CFHR2: variants seen among roughly 807,000 people sequenced by gnomAD.
CFHR2 encodes complement factor H related 2.
A neutral mutation model predicts 21.7 loss-of-function variants in CFHR2; 22 were observed. That is an observed-to-expected ratio of 1.01 (90% confidence interval 0.72 to 1.45). CFHR2 has a LOEUF of 1.45. CFHR2 is among the 40% of genes most tolerant of loss of function. The probability of loss-of-function intolerance (pLI) is 0.00; values close to 1 mark genes in which losing one functional copy is unlikely to be tolerated. For missense variants in CFHR2, 294 were observed against 293.3 expected (o/e 1.00, Z -0.02); for synonymous variants, 98 against 97.4 (o/e 1.01, Z -0.04).
chr1:196,959,298 T>C lies in CFHR2; in HGVS notation c.*218T>C. The stretch of plus-strand genomic sequence containing the variant: ...TAACAACCTAGGAATTGTCTTTTTT[T>C]TTCTTTTTAAAAAAATTGACAATAA... On this transcript the variant is annotated 3_prime_UTR_variant, in exon 5 of 5. Coordinates refer to ENST00000367415, the MANE Select transcript of CFHR2 (RefSeq NM_005666.4). 1 of 450,768 alleles carries C rather than the reference T, an allele frequency of 2.2e-6. No homozygotes were observed. Among genetic ancestry groups the C allele is most frequent in the South Asian group, 3.3e-5 (1 of 30,568 alleles). The allele number at this position is 450,768 out of a possible 1,614,324, so 27.9% of individuals were successfully genotyped here. A position where few individuals can be genotyped will look rare whatever the true frequency, so the allele number is the denominator to read the frequency against.
intron 4 of CFHR2, among the ~76,000 whole-genome samples, chr1:196,958,498 C>G (rs1278199245): frequency 6.6e-6 from 1 of 151,704 alleles, no homozygotes; most frequent in Non-Finnish European, 1.5e-5. Context: ...ATATTATTAG[C>G]TATTAATGTC....
At position 196,951,983 on chromosome 1, in the gene CFHR2, A is replaced by G. The variant is rs550072530; in HGVS notation, c.430+955A>G. Among the ~76,000 whole-genome samples, 10 of 152,214 alleles carry G rather than the reference A, an allele frequency of 6.6e-5. No individual in the cohort carries two copies. The South Asian group carries it at 2.1e-3, about 32-fold the overall frequency. On this transcript the variant is annotated intron_variant, in intron 3 of 4. Transcript: ENST00000367415. ...AGTGTTCTTGAAATATATTTTGTAC[A>G]GTTTTCTAATTTTTTTCCAGTGGGA...
At chr1:196,947,798 A>C (rs1414409541) in intron 1 of CFHR2, among the ~76,000 whole-genome samples, 1 of 152,190 alleles carries the variant, frequency 6.6e-6, no homozygotes, top group African/African-American at 2.4e-5. Flanking sequence ...ACTCAAAGAT[A>C]AAGTATATCA....
chr1:196,951,082 A>G, intron 3 of CFHR2, 54 bp downstream of exon 3: 2 of 1,587,282 alleles, frequency 1.3e-6, no homozygotes, highest in South Asian at 1.1e-5. Context: ...TGTAAAAGAA[A>G]TAAATCTTTT....
intron 1 of CFHR2, among the ~76,000 whole-genome samples, chr1:196,946,080 A>G (rs1659472946): frequency 6.6e-6 from 1 of 152,128 alleles, no homozygotes; most frequent in Non-Finnish European, 1.5e-5. Context: ...AGTATAAAAT[A>G]TTAAAAACGG....
At chr1:196,949,885 T>A (rs1011328636) in intron 2 of CFHR2, among the ~76,000 whole-genome samples, 1 of 152,228 alleles carries the variant, frequency 6.6e-6, no homozygotes, top group Non-Finnish European at 1.5e-5. Context: ...TCAATTTTTT[T>A]AAACTGATGA....
chr1:196,958,290 ATATT>A (rs1415734711), intron 4 of CFHR2, among the ~76,000 whole-genome samples: 3 of 151,996 alleles, frequency 2.0e-5, no homozygotes, highest in Admixed American at 2.0e-4. Context: ...AAAAGAATAC[ATATT>A]TATTTTCTAC....
chr1:196,952,680 G>C (rs1652658407), intron 3 of CFHR2, among the ~76,000 whole-genome samples: 1 of 152,148 alleles, frequency 6.6e-6, no homozygotes, highest in South Asian at 2.1e-4. Flanking sequence ...GTTGCTTTGT[G>C]ACACAAAAAA....
chr1:196,955,740 G>T (rs924522254), intron 3 of CFHR2, among the ~76,000 whole-genome samples: 7 of 152,032 alleles, frequency 4.6e-5, no homozygotes, highest in Non-Finnish European at 7.4e-5. Flanking sequence ...TCGGCTATTT[G>T]GGAGGCTGAG....
rs568948709 is a variant in CFHR2, at chr1:196,944,920, A to G, written c.58+982A>G. ...AGATGGACTTTCACTCTTGTTTCCC[A>G]GGCTGGAGTGCAATGGTGTGATTTC... On this transcript the variant is annotated intron_variant, in intron 1 of 4. Coordinates refer to ENST00000367415, the MANE Select transcript of CFHR2 (RefSeq NM_005666.4). Among the ~76,000 whole-genome samples, 211 of 149,254 alleles carry G rather than the reference A, an allele frequency of 1.4e-3. 4 individuals carry two copies. Among genetic ancestry groups the G allele is most frequent in the African/African-American group, 5.0e-3 (203 of 40,380 alleles).
Position 196,959,166 on chromosome 1 carries a change from G to T in CFHR2, c.*86G>T. The T allele has an allele frequency of 1.0e-6, 1 of 958,988 alleles. No homozygotes were observed. The highest frequency in any genetic ancestry group is 1.5e-6 in the Non-Finnish European group (1 of 653,734). 59.4% of individuals were successfully genotyped at this position (958,988 alleles called of 1,614,324 possible). A position where few individuals can be genotyped will look rare whatever the true frequency, so the allele number is the denominator to read the frequency against. On this transcript the variant is annotated 3_prime_UTR_variant, in exon 5 of 5. Coordinates refer to ENST00000367415, the MANE Select transcript of CFHR2 (RefSeq NM_005666.4). The stretch of plus-strand genomic sequence containing the variant: ...TTTTCAATTTCATTTTTCAAGTACT[G>T]TTTTACTCATTTTTATTCATAAATA...
Position 196,959,068 on chromosome 1 carries a change from T to C in CFHR2, c.801T>C (p.Cys267=), listed in dbSNP as rs779379059. The C allele has an allele frequency of 5.6e-6, 9 of 1,598,864 alleles. 2 individuals carry two copies. In the South Asian group the frequency reaches 6.8e-5, roughly 12 times the overall value. ...CQNGKLVYPS[C]EEK is the part of the protein sequence containing the mutation. ...ATGGGAAACTGGTATATCCCAGTTG[T>C]GAAGAAAAATAGAATCAATGGCATT... The change falls in exon 5 of 5, where the codon TGT becomes TGC. Residue 267 remains cysteine, a synonymous_variant. Transcript: ENST00000367415.
intron 3 of CFHR2, among the ~76,000 whole-genome samples, chr1:196,953,784 C>A (rs1324297417): frequency 2.0e-5 from 3 of 152,094 alleles, no homozygotes; most frequent in Non-Finnish European, 4.4e-5. Context: ...TATAACAGTA[C>A]ATAAAACTAG....
chr1:196,954,174 G>T (rs912808174), intron 3 of CFHR2, among the ~76,000 whole-genome samples: 2 of 152,194 alleles, frequency 1.3e-5, no homozygotes, highest in Non-Finnish European at 2.9e-5. Flanking sequence ...CCAACTTTCT[G>T]CCCATATGGG....
Position 196,953,977 on chromosome 1 carries a change from T to A in CFHR2, c.430+2949T>A, listed in dbSNP as rs190462010. 2.3e-3 allele frequency among the ~76,000 whole-genome samples: 356 copies of A among 152,344 alleles called. 2 individuals carry two copies. Among genetic ancestry groups the A allele is most frequent in the Middle Eastern group, 6.8e-3 (2 of 294 alleles). On this transcript the variant is annotated intron_variant, in intron 3 of 4. Transcript: ENST00000367415. ...AATAAGAAAAATAAACACATATTCA[T>A]ATACATAACTATTTCTAATTGAATC...
At chr1:196,955,562 G>C (rs1024192049) in intron 3 of CFHR2, among the ~76,000 whole-genome samples, 2 of 152,154 alleles carry the variant, frequency 1.3e-5, no homozygotes, top group Admixed American at 6.5e-5. Context: ...CAGTAAAATA[G>C]GTTTGGCCAG....
intron 1 of CFHR2, among the ~76,000 whole-genome samples, chr1:196,949,177 G>A (rs1372122720): frequency 1.3e-5 from 2 of 152,192 alleles, no homozygotes; most frequent in African/African-American, 2.4e-5. Context: ...AAATTGTTGT[G>A]TGAGGGTTTT....
chr1:196,944,542 G>A (rs1029011860), intron 1 of CFHR2, among the ~76,000 whole-genome samples: 1 of 151,850 alleles, frequency 6.6e-6, no homozygotes, highest in Non-Finnish European at 1.5e-5. Flanking sequence ...TACTACAAAC[G>A]GCTTCTTATG....
At chr1:196,956,573 T>A (rs899482276) in intron 3 of CFHR2, among the ~76,000 whole-genome samples, 1 of 152,218 alleles carries the variant, frequency 6.6e-6, no homozygotes, top group Non-Finnish European at 1.5e-5. Context: ...TCAGACTGGG[T>A]AATTAATATT....
Sources: gnomAD v4.1 joint callset for allele counts (sites outside exome capture counted in the v4.1 genomes callset) on GRCh38, gnomAD v4.1.1 for gene constraint, MANE v1.5 for transcripts, NCBI Gene and HGNC (gene_info 2026-07-23, HGNC 2026-07-21) for gene names.